DIP2C: variants seen among roughly 807,000 people sequenced by gnomAD.
DIP2C encodes the protein disco-interacting protein 2 homolog C.
Under a neutral mutation model 192.4 loss-of-function variants are expected in DIP2C, and 33 were observed. That is an observed-to-expected ratio of 0.17 (90% CI 0.13 to 0.23). The LOEUF (loss-of-function observed/expected upper bound fraction) is 0.23. DIP2C is among the 10% of genes least tolerant of loss of function. DIP2C has a pLI of 1.00. For missense variants in DIP2C, 1,537 were observed against 2,110.1 expected (o/e 0.73, Z 5.32); for synonymous variants, 979 against 864.1 (o/e 1.13, Z -2.33).
intron 1 of DIP2C, among the ~76,000 whole-genome samples, chr10:619,340 T>G (rs558629463): frequency 3.9e-5 from 6 of 152,320 alleles, no homozygotes; most frequent in Admixed American, 2.6e-4. Flanking sequence ...CCAGCTAACG[T>G]CGAGATGTCA....
chr10:577,636 A>G (rs945170050), intron 1 of DIP2C, among the ~76,000 whole-genome samples: 116 of 152,386 alleles, frequency 7.6e-4, no homozygotes, highest in African/African-American at 2.5e-3. Flanking sequence ...TATTTAAAGT[A>G]TAAAACAAAG....
rs1328421271 is a variant in DIP2C, at chr10:320,524, A to AC, written c.3924+6481_3924+6482insG. Among the ~76,000 whole-genome samples, 293 of 152,154 alleles carry AC rather than the reference A, an allele frequency of 1.9e-3. 1 individual carries two copies. Among genetic ancestry groups the AC allele is most frequent in the Non-Finnish European group, 2.9e-3 (194 of 67,992 alleles). On this transcript the variant is annotated intron_variant, in intron 31 of 36. Transcript: ENST00000280886. ...ACTCCGTCTCAAAAAAAAAAAAAAA[A>AC]ATCAAGTATCAGTACTTTGACAAAA...
chr10:561,304 A>G (rs1243319303), intron 1 of DIP2C, among the ~76,000 whole-genome samples: 1 of 152,070 alleles, frequency 6.6e-6, no homozygotes, highest in Admixed American at 6.6e-5. Flanking sequence ...GTTAAAGGGG[A>G]CTCACAATGG....
chr10:430,907 G>A (rs191562515), intron 4 of DIP2C, among the ~76,000 whole-genome samples: 1 of 152,340 alleles, frequency 6.6e-6, no homozygotes, highest in Admixed American at 6.5e-5. Flanking sequence ...TAAGGTCTGT[G>A]ACTAGGTTTG....
intron 3 of DIP2C, among the ~76,000 whole-genome samples, chr10:467,135 A>G (rs1319187247): frequency 6.6e-6 from 1 of 152,094 alleles, no homozygotes; most frequent in Admixed American, 6.6e-5. Flanking sequence ...AACCAACCCA[A>G]ATGTCCAACA....
chr10:539,363 A>G (rs1847855849), intron 1 of DIP2C, among the ~76,000 whole-genome samples: 1 of 152,232 alleles, frequency 6.6e-6, no homozygotes, highest in African/African-American at 2.4e-5. Flanking sequence ...TCATTAAACA[A>G]TATAGTTTAA....
intron 1 of DIP2C, among the ~76,000 whole-genome samples, chr10:561,341 C>T (rs1051630464): frequency 5.9e-5 from 9 of 152,144 alleles, no homozygotes; most frequent in Admixed American, 2.0e-4. Flanking sequence ...GCCCACTGTA[C>T]GAGAAGTCTC....
rs755189558 is a variant in DIP2C, at chr10:414,076, C to T, written c.894G>A (p.Glu298=). Residue 298 remains glutamate (E), a synonymous_variant, in exon 8 of 37, where the codon GAG becomes GAA. Transcript: ENST00000280886. ...QQPDPNQPKP[E]GAQMLAMRGE... ...CGCGCATGGCCAGCATCTGGGCCCC[C>T]TCCGGCTTTGGTTGGTTCGGATCCG... 3.7e-6 allele frequency: 6 copies of T among 1,613,842 alleles called. No individual in the cohort carries two copies. The highest frequency in any genetic ancestry group is 1.1e-5 in the South Asian group (1 of 91,034).
At chr10:376,269 G>T (rs1301161964) in intron 17 of DIP2C, among the ~76,000 whole-genome samples, 3 of 137,804 alleles carry the variant, frequency 2.2e-5, no homozygotes, top group African/African-American at 9.0e-5. Context: ...GAGCCGGCAG[G>T]GAGAAGGACC....
chr10:511,723 C>A (rs1229566063), intron 1 of DIP2C, among the ~76,000 whole-genome samples: 1 of 152,172 alleles, frequency 6.6e-6, no homozygotes, highest in Non-Finnish European at 1.5e-5. Context: ...CGGCTCCGAG[C>A]TCTCTTCACA....
At chr10:579,481 T>C (rs1850436508) in intron 1 of DIP2C, among the ~76,000 whole-genome samples, 1 of 151,518 alleles carries the variant, frequency 6.6e-6, no homozygotes, top group South Asian at 2.1e-4. Flanking sequence ...ACAGATCCAG[T>C]GTACAAACAT....
chr10:656,594 A>G (rs1856349118), intron 1 of DIP2C, among the ~76,000 whole-genome samples: 1 of 152,212 alleles, frequency 6.6e-6, no homozygotes, highest in Non-Finnish European at 1.5e-5. Context: ...TTCTATCAAT[A>G]CGGCTTCTTT....
chr10:505,942 A>G (rs1845569505), intron 1 of DIP2C, among the ~76,000 whole-genome samples: 1 of 152,196 alleles, frequency 6.6e-6, no homozygotes. Context: ...GTAACAGGAC[A>G]ATGGGGCAGG....
At chr10:581,762 A>C (rs1252001172) in intron 1 of DIP2C, among the ~76,000 whole-genome samples, 4 of 152,104 alleles carry the variant, frequency 2.6e-5, no homozygotes, top group Admixed American at 2.0e-4. Context: ...GCCCTACTGG[A>C]GATGAAAACT....
At chr10:679,142 T>TTC (rs1419625110) in intron 1 of DIP2C, among the ~76,000 whole-genome samples, 13 of 946 alleles carry the variant, frequency 0.014, no homozygotes, top group African/African-American at 0.017. Flanking sequence ...CCATCCTCCC[T>TTC]GCGCCCATGC....
chr10:336,222 C>CA (rs1957762152), intron 29 of DIP2C, among the ~76,000 whole-genome samples: 1 of 152,150 alleles, frequency 6.6e-6, no homozygotes, highest in Non-Finnish European at 1.5e-5. Context: ...ATTTAAAAAT[C>CA]AGCATCCCTG....
intron 1 of DIP2C, among the ~76,000 whole-genome samples, chr10:640,612 C>T (rs552755465): frequency 6.6e-6 from 1 of 151,602 alleles, no homozygotes; most frequent in South Asian, 2.1e-4. Context: ...CGAGGGTGCG[C>T]GCGGGGAAGA....
chr10:454,198 A>G (rs1969089963), intron 3 of DIP2C, among the ~76,000 whole-genome samples: 1 of 152,206 alleles, frequency 6.6e-6, no homozygotes, highest in African/African-American at 2.4e-5. Flanking sequence ...ACCCAGAAGC[A>G]CCCATCTATT....
intron 1 of DIP2C, among the ~76,000 whole-genome samples, chr10:489,229 G>A (rs982226359): frequency 6.6e-6 from 1 of 152,194 alleles, no homozygotes; most frequent in African/African-American, 2.4e-5. Flanking sequence ...GCATCTGGTA[G>A]ACAGAGGTCC....
Sources: gnomAD v4.1 joint callset for allele counts (sites outside exome capture counted in the v4.1 genomes callset) on GRCh38, gnomAD v4.1.1 for gene constraint, MANE v1.5 for transcripts, NCBI Gene and HGNC (gene_info 2026-07-23, HGNC 2026-07-21) for gene names.